EXOC4: variants seen among roughly 807,000 people sequenced by gnomAD.
The protein encoded by EXOC4 is exocyst complex component 4.
EXOC4 carries 71 observed loss-of-function variants against 107.2 expected under a neutral mutation model. The observed-to-expected ratio is 0.66, with a 90% CI of 0.55 to 0.81. The LOEUF (loss-of-function observed/expected upper bound fraction) is 0.81, where lower values mean the gene tolerates loss of function less well. Among genes scored for constraint, EXOC4 ranks in the 30% least tolerant of loss-of-function variants. The pLI, the probability that EXOC4 is intolerant of heterozygous loss-of-function variation, is 0.00. For missense variants in EXOC4, 1,108 were observed against 1,189.6 expected (o/e 0.93, Z 1.01); for synonymous variants, 456 against 441.2 (o/e 1.03, Z -0.42).
At chr7:133,358,323 T>TA in intron 6 of EXOC4, among the ~76,000 whole-genome samples, 1 of 152,210 alleles carries the variant, frequency 6.6e-6, no homozygotes, top group Non-Finnish European at 1.5e-5. Flanking sequence ...TAACCTGTCT[T>TA]ACAGTGTTGC....
chr7:134,065,955 G>A (rs1229461350), downstream of EXOC4: 2 of 152,340 alleles, frequency 1.3e-5, no homozygotes, highest in African/African-American at 4.8e-5. Flanking sequence ...AATCAGGTCA[G>A]GCAGTGGGGC....
At chr7:133,960,156 G>C (rs1330419765) in intron 14 of EXOC4, among the ~76,000 whole-genome samples, 1 of 152,086 alleles carries the variant, frequency 6.6e-6, no homozygotes, top group Non-Finnish European at 1.5e-5. Context: ...TGGAGGAGCA[G>C]GATGTTGATT....
At chr7:133,469,308 CGGGAGAGTGAGGCA>C (rs1798813091) in intron 7 of EXOC4, among the ~76,000 whole-genome samples, 1 of 151,990 alleles carries the variant, frequency 6.6e-6, no homozygotes, top group African/African-American at 2.4e-5. Context: ...CCCTGCCACT[CGGGAGAGTGAGGCA>C]GGAGAATCGC....
intron 7 of EXOC4, among the ~76,000 whole-genome samples, chr7:133,427,903 G>T (rs1331175003): frequency 6.6e-6 from 1 of 152,130 alleles, no homozygotes; most frequent in Non-Finnish European, 1.5e-5. Context: ...AAATCAATTG[G>T]TAGATTTTGA....
At chr7:134,005,503 T>C (rs1253845624) in intron 16 of EXOC4, among the ~76,000 whole-genome samples, 1 of 152,202 alleles carries the variant, frequency 6.6e-6, no homozygotes, top group African/African-American at 2.4e-5. Flanking sequence ...CAGAATGTTA[T>C]AATCATCTGG....
intron 14 of EXOC4, among the ~76,000 whole-genome samples, chr7:133,952,801 C>T (rs76358774): frequency 8.5e-5 from 13 of 152,262 alleles, no homozygotes; most frequent in African/African-American, 2.2e-4. Flanking sequence ...AAGGTCCATC[C>T]GTGTTGAAGC....
intron 17 of EXOC4, among the ~76,000 whole-genome samples, chr7:134,033,986 T>C (rs1795329705): frequency 6.6e-6 from 1 of 152,212 alleles, no homozygotes; most frequent in African/African-American, 2.4e-5. Context: ...AAAGTTGACT[T>C]TTCATGCTCT....
chr7:133,965,902 GA>G (rs1318296234), intron 14 of EXOC4, among the ~76,000 whole-genome samples: 1 of 152,108 alleles, frequency 6.6e-6, no homozygotes, highest in Non-Finnish European at 1.5e-5. Context: ...TTGAATCTAT[GA>G]ATTACTTTGG....
intron 10 of EXOC4, among the ~76,000 whole-genome samples, chr7:133,688,488 G>A (rs1415899020): frequency 1.3e-5 from 2 of 152,074 alleles, no homozygotes; most frequent in Admixed American, 6.6e-5. Flanking sequence ...TTTCTTTTGG[G>A]ACTGATAAGA....
At chr7:133,355,861 A>G (rs1796009199) in intron 5 of EXOC4, among the ~76,000 whole-genome samples, 1 of 152,104 alleles carries the variant, frequency 6.6e-6, no homozygotes, top group Admixed American at 6.5e-5. Context: ...AATTTATTAT[A>G]ATTTTAATTT....
chr7:133,822,496 C>T (rs1797545294), intron 11 of EXOC4, among the ~76,000 whole-genome samples: 1 of 152,224 alleles, frequency 6.6e-6, no homozygotes, highest in Admixed American at 6.5e-5. Flanking sequence ...CTTCCTCTAT[C>T]ACCAATGGAA....
At chr7:133,480,478 T>C in intron 9 of EXOC4, 1 of 1,092,368 alleles carries the variant, frequency 9.2e-7, no homozygotes, top group South Asian at 2.8e-5. Context: ...TAATTGTTGT[T>C]TTTGACACCT....
At chr7:133,311,036 A>G (rs4546583) in intron 4 of EXOC4, among the ~76,000 whole-genome samples, 46,231 of 152,048 alleles carry the variant, frequency 0.3, 8,065 homozygotes, top group African/African-American at 0.48. Flanking sequence ...GACAAATGAA[A>G]GAAAGGTACA....
chr7:133,541,265 C>G (rs1032096309), intron 9 of EXOC4, among the ~76,000 whole-genome samples: 3 of 152,146 alleles, frequency 2.0e-5, no homozygotes, highest in South Asian at 4.1e-4. Context: ...TTCTGAGAAC[C>G]TATGCCCAAA....
intron 7 of EXOC4, among the ~76,000 whole-genome samples, chr7:133,429,590 C>T (rs1797807572): frequency 6.6e-6 from 1 of 152,186 alleles, no homozygotes; most frequent in Admixed American, 6.5e-5. Flanking sequence ...CAATCACTCA[C>T]CATTAGCAGT....
chr7:134,063,703 T>G (rs540353622), intron 17 of EXOC4, among the ~76,000 whole-genome samples: 1 of 152,320 alleles, frequency 6.6e-6, no homozygotes, highest in South Asian at 2.1e-4. Context: ...TATACTACTA[T>G]TAATTTTATT....
intron 14 of EXOC4, among the ~76,000 whole-genome samples, chr7:133,977,741 TGTGTGTGTG>T (rs1793875418): frequency 1.3e-5 from 2 of 150,120 alleles, no homozygotes; most frequent in Admixed American, 6.6e-5. Context: ...TGTTGTTTTG[TGTGTGTGTG>T]TGTGTGTGTG....
chr7:133,270,885 T>G (rs1793852539), intron 1 of EXOC4, among the ~76,000 whole-genome samples: 1 of 152,038 alleles, frequency 6.6e-6, no homozygotes, highest in Non-Finnish European at 1.5e-5. Context: ...TGTGAGAACT[T>G]TCTCCCTGGA....
chr7:133,686,991 TTTTGTGTGTG>T (rs56261160), intron 10 of EXOC4, among the ~76,000 whole-genome samples: 22,962 of 144,608 alleles, frequency 0.16, 1,900 homozygotes, highest in African/African-American at 0.23. Context: ...GGATAAAGAA[TTTTGTGTGTG>T]TGTGTGTGTG....
Sources: allele counts gnomAD v4.1 joint callset (sites outside exome capture counted in the v4.1 genomes callset), GRCh38; gene constraint gnomAD v4.1.1; transcripts MANE v1.5; gene names NCBI Gene and HGNC (gene_info 2026-07-23, HGNC 2026-07-21).